The following TRPC6 variants were observed in gnomAD, a reference collection of about 807,000 sequenced individuals.
The protein encoded by TRPC6 is short transient receptor potential channel 6.
Under a neutral mutation model 90.7 loss-of-function variants are expected in TRPC6, and 55 were observed. The observed-to-expected ratio is 0.61, with a 90% CI of 0.49 to 0.76. The LOEUF is 0.76. Among genes scored for constraint, TRPC6 ranks in the 30% least tolerant of loss-of-function variants. TRPC6 has a pLI of 0.00. For synonymous variants in TRPC6, 393 were observed against 393.0 expected, an observed-to-expected ratio of 1.00 and a Z score of 0.00; for missense variants, 989 against 1,122.7, an observed-to-expected ratio of 0.88 and a Z score of 1.70.
At chr11:101,470,605 T>G (rs1233630837) in intron 9 of TRPC6, among the ~76,000 whole-genome samples, 1 of 152,196 alleles carries the variant, frequency 6.6e-6, no homozygotes, top group East Asian at 1.9e-4. Flanking sequence ...GTGATCGCCC[T>G]ACTGCCTCAT....
rs7130287 is a variant in TRPC6, at chr11:101,480,219, A to G, written c.1510+2730T>C. Among the ~76,000 whole-genome samples, 1,343 of 152,296 alleles carry G rather than the reference A, an allele frequency of 8.8e-3. 10 individuals are homozygous for G. The highest frequency in any genetic ancestry group is 0.031 in the African/African-American group (1,279 of 41,552). On this transcript the variant is annotated intron_variant, in intron 5 of 12. Coordinates refer to ENST00000344327, the MANE Select transcript of TRPC6 (RefSeq NM_004621.6). The stretch of plus-strand genomic sequence containing the variant: ...AAAAATCAATGAAACTAAGACTAGT[A>G]TGAGGAGAATAATTTATGGTCAAGA...
intron 7 of TRPC6, 27 bp downstream of exon 7, chr11:101,473,482 A>G (rs1859340722): frequency 2.5e-6 from 4 of 1,611,298 alleles, no homozygotes; most frequent in Middle Eastern, 3.3e-4. Context: ...TGCAATAACT[A>G]TCATCAAAAT....
At chr11:101,556,592 C>T (rs1053707239) in intron 1 of TRPC6, among the ~76,000 whole-genome samples, 3 of 152,136 alleles carry the variant, frequency 2.0e-5, no homozygotes, top group Admixed American at 6.5e-5. Flanking sequence ...CAAAGAAAAG[C>T]CTGATGGCTT....
intron 1 of TRPC6, among the ~76,000 whole-genome samples, chr11:101,534,366 C>T (rs778273174): frequency 7.2e-5 from 11 of 152,254 alleles, no homozygotes; most frequent in Non-Finnish European, 1.6e-4. Flanking sequence ...GAACTCCTGA[C>T]CTCAGATGAT....
chr11:101,513,220 C>T (rs1860437688), intron 1 of TRPC6, among the ~76,000 whole-genome samples: 2 of 152,170 alleles, frequency 1.3e-5, no homozygotes, highest in African/African-American at 2.4e-5. Context: ...CCCACAAGTG[C>T]CTCTGATGGG....
chr11:101,574,735 GCTAA>G (rs770576554), intron 1 of TRPC6, among the ~76,000 whole-genome samples: 79 of 152,134 alleles, frequency 5.2e-4, no homozygotes, highest in Admixed American at 2.6e-3. Context: ...TTTCAAGAAG[GCTAA>G]CTCAGTAATA....
At chr11:101,519,193 A>T (rs1006512569) in intron 1 of TRPC6, among the ~76,000 whole-genome samples, 2 of 152,154 alleles carry the variant, frequency 1.3e-5, no homozygotes, top group Non-Finnish European at 2.9e-5. Flanking sequence ...TGAAGAATGT[A>T]ATTGAATTGT....
intron 1 of TRPC6, among the ~76,000 whole-genome samples, chr11:101,526,249 A>C (rs954788767): frequency 9.9e-5 from 15 of 152,178 alleles, no homozygotes; most frequent in African/African-American, 3.6e-4. Context: ...TGTTTCCTCC[A>C]GTAGAGAGAA....
intron 3 of TRPC6, among the ~76,000 whole-genome samples, chr11:101,490,820 G>A (rs1859788268): frequency 6.6e-6 from 1 of 152,136 alleles, no homozygotes; most frequent in African/African-American, 2.4e-5. Flanking sequence ...CTTGAAGAGA[G>A]AGACTAAAAA....
chr11:101,573,390 CAT>C (rs1862006322), intron 1 of TRPC6, among the ~76,000 whole-genome samples: 1 of 152,086 alleles, frequency 6.6e-6, no homozygotes, highest in Admixed American at 6.6e-5. Flanking sequence ...ACTTAAGAAC[CAT>C]TAATTCTTTG....
intron 3 of TRPC6, among the ~76,000 whole-genome samples, chr11:101,491,172 T>C (rs12796163): frequency 0.35 from 53,654 of 151,956 alleles, 10,961 homozygotes; most frequent in African/African-American, 0.56. Flanking sequence ...CCTAACCGGG[T>C]GCAGTGGCTC....
chr11:101,506,860 T>C (rs1214265995), intron 1 of TRPC6, among the ~76,000 whole-genome samples: 1 of 152,126 alleles, frequency 6.6e-6, no homozygotes, highest in East Asian at 1.9e-4. Flanking sequence ...TACATTTCAA[T>C]TTAACTATTT....
chr11:101,453,657 C>T lies in TRPC6; in HGVS notation c.2637G>A (p.Val879=). The T allele has an allele frequency of 6.2e-7, 1 of 1,613,956 alleles. No homozygotes were observed. The highest frequency in any genetic ancestry group is 8.5e-7 in the Non-Finnish European group (1 of 1,179,872). ...QAQIDKESDE[V]NEGELKEIKQ... The stretch of plus-strand genomic sequence containing the variant: ...CTTCTGCGTTCAACTCACCTTCGTT[C>T]ACTTCATCACTCTCCTTATCTATCT... Residue 879 remains valine (V), a synonymous_variant, in exon 12 of 13, where the codon GTG becomes GTA. Transcript: ENST00000344327.
chr11:101,521,376 C>A (rs1461720813), intron 1 of TRPC6, among the ~76,000 whole-genome samples: 1 of 152,166 alleles, frequency 6.6e-6, no homozygotes, highest in Non-Finnish European at 1.5e-5. Flanking sequence ...TCATGATAAG[C>A]CTGCAGGTGC....
At chr11:101,577,293 G>A (rs1357618456) in intron 1 of TRPC6, among the ~76,000 whole-genome samples, 1 of 150,434 alleles carries the variant, frequency 6.6e-6, no homozygotes, top group African/African-American at 2.4e-5. Flanking sequence ...CTCTTTTATT[G>A]ATTTCACTTA....
intron 3 of TRPC6, among the ~76,000 whole-genome samples, chr11:101,490,320 A>G (rs1372942131): frequency 1.3e-5 from 2 of 152,256 alleles, no homozygotes; most frequent in Non-Finnish European, 2.9e-5. Flanking sequence ...GTATAGAAAT[A>G]TAACAATGGT....
chr11:101,560,604 G>A (rs115661096), intron 1 of TRPC6, among the ~76,000 whole-genome samples: 144 of 151,978 alleles, frequency 9.5e-4, no homozygotes, highest in African/African-American at 3.1e-3. Flanking sequence ...TGAAATACCC[G>A]AAAGCCCCAT....
intron 1 of TRPC6, among the ~76,000 whole-genome samples, chr11:101,579,863 T>C: frequency 6.6e-6 from 1 of 152,176 alleles, no homozygotes; most frequent in African/African-American, 2.4e-5. Context: ...TTCTGTCTCA[T>C]ATGGACATCA....
At chr11:101,467,317 C>T (rs1859172287) in intron 10 of TRPC6, among the ~76,000 whole-genome samples, 2 of 152,102 alleles carry the variant, frequency 1.3e-5, no homozygotes. Flanking sequence ...TCTCTGTCCT[C>T]ACTGGATTAA....
Sources: allele counts gnomAD v4.1 joint callset (sites outside exome capture counted in the v4.1 genomes callset), GRCh38; gene constraint gnomAD v4.1.1; transcripts MANE v1.5; gene names NCBI Gene and HGNC (gene_info 2026-07-23, HGNC 2026-07-21).